NOTCH4: variants seen among roughly 807,000 people sequenced by gnomAD.
The protein encoded by NOTCH4 is neurogenic locus notch homolog protein 4.
In NOTCH4, 138 loss-of-function variants were observed where a neutral mutation model predicts 189.0. The observed-to-expected ratio is 0.73, with a 90% confidence interval of 0.64 to 0.84. NOTCH4 has a LOEUF of 0.84. Among genes scored for constraint, NOTCH4 ranks in the 40% least tolerant of loss-of-function variants. The pLI is 0.00. For synonymous variants in NOTCH4, 942 were observed against 1,032.8 expected (o/e 0.91, Z 1.69); for missense variants, 2,286 against 2,605.4 (o/e 0.88, Z 2.67).
chr6:32,219,585 C>T lies in NOTCH4; in HGVS notation c.1510+7G>A. On this transcript the variant is annotated splice_region_variant and intron_variant, in intron 8 of 29. Coordinates refer to ENST00000375023, the MANE Select transcript of NOTCH4 (RefSeq NM_004557.4). ...TTTCCCCACCCAAGGCCCCATCCAG[C>T]TGATACCTGGCGGGCAGAGGCAGTG... 1.2e-6 allele frequency: 2 copies of T among 1,611,736 alleles called. No individual in the cohort carries two copies. Among genetic ancestry groups the T allele is most frequent in the African/African-American group, 1.3e-5 (1 of 75,034 alleles).
At chr6:32,220,929 T>C (rs750833604) in intron 4 of NOTCH4, 49 bp downstream of exon 4, 2 of 1,599,130 alleles carry the variant, frequency 1.3e-6, no homozygotes, top group Admixed American at 1.7e-5. Flanking sequence ...GGAGACATCC[T>C]GCCCTGCCCA....
rs1422780623 is a variant in NOTCH4 at position 32,221,019 on chromosome 6, G to C, written c.758C>G (p.Pro253Arg). 1 of 1,608,790 alleles carries C rather than the reference G, an allele frequency of 6.2e-7. No individual in the cohort carries two copies. Among genetic ancestry groups the C allele is most frequent in the Non-Finnish European group, 8.5e-7 (1 of 1,176,624 alleles). The change falls in exon 4 of 30, where the codon CCA becomes CGA. Residue 253 changes from proline to arginine, a missense_variant. Transcript: ENST00000375023. This position sits in a 1 kb window ranked among gnomAD's most constrained non-coding sequence, Gnocchi z 4.3. The part of the protein sequence containing the change: ...CSNGGTCQLM[P>R]EKDSTFHLCL... ...GAGGTGAAAGGTGGAGTCTTTCTCT[G>C]GCATCAGCTGGCAGGTGCCCCCATT...
rs1221292753 is a variant in NOTCH4 at position 32,221,890 on chromosome 6, G to T, written c.452-565C>A. The stretch of plus-strand genomic sequence containing the variant: ...AGTGTGACCATTACTCTCCCTGTTT[G>T]TCAGCTGACAACTGAACACCAGAAA... On this transcript the variant is annotated intron_variant, in intron 3 of 29. Transcript: ENST00000375023. This position sits in a 1 kb window ranked among gnomAD's most constrained non-coding sequence, Gnocchi z 4.3. Among the ~76,000 whole-genome samples the T allele has an allele frequency of 6.6e-6, 1 of 152,160 alleles. No individual in the cohort carries two copies. Among genetic ancestry groups the T allele is most frequent in the Non-Finnish European group, 1.5e-5 (1 of 68,042 alleles).
chr6:32,224,015 C>G lies in NOTCH4; in HGVS notation c.-87G>C, dbSNP rs1789972511. On this transcript the variant is annotated 5_prime_UTR_variant, in exon 1 of 30. Coordinates refer to ENST00000375023, the MANE Select transcript of NOTCH4 (RefSeq NM_004557.4). ...CTCACTGGGGCAGGAGCCACCTCCT[C>G]TGCTCCCACTGCCCCTCTTCTTCCT... 7.6e-7 allele frequency: 1 copy of G among 1,314,784 alleles called. No homozygotes were observed. The highest frequency in any genetic ancestry group is 1.0e-6 in the Non-Finnish European group (1 of 976,576). 81.4% of individuals were successfully genotyped at this position (1,314,784 alleles called of 1,614,324 possible).
In NOTCH4 at chr6:32,195,045, T is replaced by C. The variant is rs1239603260; in HGVS notation, c.*392A>G. 7.6e-6 allele frequency: 2 copies of C among 263,866 alleles called. No homozygotes were observed. The highest frequency in any genetic ancestry group is 4.3e-5 in the African/African-American group (2 of 46,146). The allele number at this position is 263,866 out of a possible 1,614,324, so 16.3% of individuals were successfully genotyped here. ...TGGCACATAGTAGGTGCCCAATAAATATTTGTCAGCCATTTGTGGGCAGTG... is the reference window on the plus strand; with the variant it reads ...TGGCACATAGTAGGTGCCCAATAAACATTTGTCAGCCATTTGTGGGCAGTG... On this transcript the variant is annotated 3_prime_UTR_variant, in exon 30 of 30. Coordinates refer to ENST00000375023, the MANE Select transcript of NOTCH4 (RefSeq NM_004557.4). The surrounding 1 kb of genome is among the most constrained non-coding windows in gnomAD (Gnocchi z 5.4).
At chr6:32,203,555 C>A (rs1253834049) in intron 20 of NOTCH4, 2 of 542,754 alleles carry the variant, frequency 3.7e-6, no homozygotes, top group Non-Finnish European at 6.4e-6. Flanking sequence ...TTAGGCAACG[C>A]CTGTGATTTT....
Position 32,218,121 on chromosome 6 carries a change from G to A in NOTCH4, c.1511-13C>T. 1 of 1,542,232 alleles carries A rather than the reference G, an allele frequency of 6.5e-7. No individual in the cohort carries two copies. Among genetic ancestry groups the A allele is most frequent in the Middle Eastern group, 1.7e-4 (1 of 5,724 alleles). ...TGCCCTTCTAAGCCTGGGGACATGG[G>A]GACCATGAGGGCTGTGGCTCAGCCA... is the stretch of plus-strand genomic sequence containing the variant. On this transcript the variant is annotated splice_polypyrimidine_tract_variant and intron_variant, in intron 8 of 29. Transcript: ENST00000375023.
rs1417324844 is a variant in NOTCH4, at chr6:32,196,375, G to A, written c.5247C>T (p.Ala1749=). Residue 1749 remains alanine, a synonymous_variant, in exon 29 of 30, where the codon GCC becomes GCT. Coordinates refer to ENST00000375023, the MANE Select transcript of NOTCH4 (RefSeq NM_004557.4). ...HWAAAVNNAR[A]ARSLLQAGAD... ...CTCCGGCCTGGAGAAGCGAGCGGGC[G>A]GCTCGGGCGTTGTTCACGGCAGCAG... is the stretch of plus-strand genomic sequence containing the variant. The A allele has an allele frequency of 1.9e-6, 3 of 1,613,040 alleles. No homozygotes were observed. The highest frequency in any genetic ancestry group is 2.5e-6 in the Non-Finnish European group (3 of 1,180,054).
rs2854049 is a variant in NOTCH4, at chr6:32,223,094, T to A, written c.74-8A>T. Reference sequence around the variant, plus strand: ...AACTCCCACACAGCAGCCCTGAGGGTGGAGAGGCAGGCGCAATGGAAGCCC... The same window carrying A: ...AACTCCCACACAGCAGCCCTGAGGGAGGAGAGGCAGGCGCAATGGAAGCCC... On this transcript the variant is annotated splice_region_variant and splice_polypyrimidine_tract_variant and intron_variant, in intron 1 of 29. Transcript: ENST00000375023. 92,420 of 1,611,568 alleles carry A rather than the reference T, an allele frequency of 0.057. 3,897 individuals are homozygous for A. Among genetic ancestry groups the A allele is most frequent in the African/African-American group, 0.14 (10,833 of 74,814 alleles).
In NOTCH4 at chr6:32,214,172, T is replaced by G; in HGVS notation, c.2105A>C (p.His702Pro). 6.2e-7 allele frequency: 1 copy of G among 1,613,566 alleles called. No individual in the cohort carries two copies. The highest frequency in any genetic ancestry group is 8.5e-7 in the Non-Finnish European group (1 of 1,179,820). Residue 702 changes from histidine (H) to proline (P), a missense_variant, in exon 13 of 30, where the codon CAT becomes CCT. Coordinates refer to ENST00000375023, the MANE Select transcript of NOTCH4 (RefSeq NM_004557.4). ...GGGCTGGGGGTAGCAGGTCCCCCCA[T>G]GGGCACAGGGTGCAGAGATGCAGCC... The part of the protein sequence containing the change: ...LGGCISAPCA[H>P]GGTCYPQPSG...
At position 32,223,898 on chromosome 6, in the gene NOTCH4, G is replaced by T; in HGVS notation, c.31C>A (p.Leu11Met). ...GAGACACATAGCAGCAGCAGCAGCAGCAGCAGCAGCAGCAGTGAAGGGGGC... is the reference window on the plus strand; with the variant it reads ...GAGACACATAGCAGCAGCAGCAGCATCAGCAGCAGCAGCAGTGAAGGGGGC... The part of the protein sequence containing the change: MQPPSLLLLL[L>M]LLLLLCVSVV... The change falls in exon 1 of 30, where the codon CTG (leucine) becomes ATG (methionine). Residue 11 changes from leucine (L) to methionine (M), a missense_variant. Leu to Met is a conservative substitution (Grantham distance 15, BLOSUM62 2). Around this residue, in one of 2 missense-constraint regions of NOTCH4, gnomAD observed 1,903 missense variants for 2,261.9 expected, o/e 0.84. Transcript: ENST00000375023. 1 of 1,603,060 alleles carries T rather than the reference G, an allele frequency of 6.2e-7. No homozygotes were observed. The highest frequency in any genetic ancestry group is 8.5e-7 in the Non-Finnish European group (1 of 1,177,328).
Position 32,212,412 on chromosome 6 carries a change from G to A in NOTCH4, c.2680+62C>T. 4.7e-6 allele frequency: 7 copies of A among 1,497,370 alleles called. No individual in the cohort carries two copies. In the South Asian group the frequency reaches 9.1e-5, roughly 19 times the overall value. The allele number at this position is 1,497,370 out of a possible 1,614,324, so 92.8% of individuals were successfully genotyped here. ...AGCTGTGTGGAAGCCCACAGGAACGGGGCAGGTGAGAACACCCATATTTTC... is the reference window on the plus strand; with the variant it reads ...AGCTGTGTGGAAGCCCACAGGAACGAGGCAGGTGAGAACACCCATATTTTC... On this transcript the variant is annotated intron_variant, in intron 17 of 29. Coordinates refer to ENST00000375023, the MANE Select transcript of NOTCH4 (RefSeq NM_004557.4). This position sits in a 1 kb window ranked among gnomAD's most constrained non-coding sequence, Gnocchi z 4.4.
At chr6:32,220,729 G>A (rs763768824) in intron 5 of NOTCH4, 27 bp downstream of exon 5, 5 of 1,613,616 alleles carry the variant, frequency 3.1e-6, no homozygotes, top group African/African-American at 1.3e-5. Flanking sequence ...GGCCATGGGT[G>A]TCATGGATGT....
chr6:32,195,629 G>A lies in NOTCH4; in HGVS notation c.5820C>T (p.Arg1940=), dbSNP rs983854711. The A allele has an allele frequency of 2.5e-6, 4 of 1,612,972 alleles. No individual in the cohort carries two copies. The highest frequency in any genetic ancestry group is 3.4e-6 in the Non-Finnish European group (4 of 1,179,966). Residue 1940 remains arginine (R), a synonymous_variant, in exon 30 of 30, where the codon CGC becomes CGT. Coordinates refer to ENST00000375023, the MANE Select transcript of NOTCH4 (RefSeq NM_004557.4). The surrounding 1 kb of genome is among the most constrained non-coding windows in gnomAD (Gnocchi z 5.4). ...MRGRYGVAAG[R]GGRVSTDDWP... is the part of the protein sequence containing the mutation. ...AGTCATCCGTTGAGACCCTGCCTCC[G>A]CGCCCGGCAGCCACTCCGTATCTTC...
Position 32,202,848 on chromosome 6 carries a change from G to T in NOTCH4, c.3232-249C>A. On this transcript the variant is annotated intron_variant, in intron 20 of 29. Coordinates refer to ENST00000375023, the MANE Select transcript of NOTCH4 (RefSeq NM_004557.4). This position sits in a 1 kb window ranked among gnomAD's most constrained non-coding sequence, Gnocchi z 5.7. ...GCTGTGTGCAACAACCTGATGGACT[G>T]TGGCATTACAGTGCAAGTCCTAGAA... 1 of 439,130 alleles carries T rather than the reference G, an allele frequency of 2.3e-6. No homozygotes were observed. The highest frequency in any genetic ancestry group is 7.1e-5 in the South Asian group (1 of 14,030). 27.2% of individuals were successfully genotyped at this position (439,130 alleles called of 1,614,324 possible).
rs760337036 is a variant in NOTCH4 at position 32,213,760 on chromosome 6, C to T, written c.2248G>A (p.Gly750Ser). 35 of 1,612,546 alleles carry T rather than the reference C, an allele frequency of 2.2e-5. No individual in the cohort carries two copies. Among genetic ancestry groups the T allele is most frequent in the Non-Finnish European group, 2.7e-5 (32 of 1,179,996 alleles). Reference sequence around the variant, plus strand: ...CTTGGAGGGCAGGTGCAGTAGTAGCCTCCAGGGCTAGGGTTGCAGGAGCCG... The same window carrying T: ...CTTGGAGGGCAGGTGCAGTAGTAGCTTCCAGGGCTAGGGTTGCAGGAGCCG... ...NGGSCNPSPG[G>S]YYCTCPPSHT... is the part of the protein sequence containing the mutation. Residue 750 changes from glycine (G) to serine (S), a missense_variant, in exon 14 of 30, where the codon GGC becomes AGC. Gly to Ser is a moderately conservative substitution (Grantham distance 56, BLOSUM62 0). Transcript: ENST00000375023.
At position 32,195,617 on chromosome 6, in the gene NOTCH4, G is replaced by GTC; in HGVS notation, c.5831_5832insGA (p.Ser1945ThrfsTer52). ...AATCACAGGGCCAGTCATCCGTTGA[G>GTC]ACCCTGCCTCCGCGCCCGGCAGCCA... On this transcript the variant is annotated frameshift_variant, in exon 30 of 30. Coordinates refer to ENST00000375023, the MANE Select transcript of NOTCH4 (RefSeq NM_004557.4). LOFTEE classifies it low-confidence loss of function (END_TRUNC). The surrounding 1 kb of genome is among the most constrained non-coding windows in gnomAD (Gnocchi z 5.4). 6.2e-7 allele frequency: 1 copy of GTC among 1,613,058 alleles called. No homozygotes were observed. Among genetic ancestry groups the GTC allele is most frequent in the Non-Finnish European group, 8.5e-7 (1 of 1,180,002 alleles).
Position 32,212,985 on chromosome 6 carries a change from G to T in NOTCH4, c.2439-74C>A. The T allele has an allele frequency of 7.1e-7, 1 of 1,416,902 alleles. No homozygotes were observed. The highest frequency in any genetic ancestry group is 9.8e-7 in the Non-Finnish European group (1 of 1,017,310). 87.8% of individuals were successfully genotyped at this position (1,416,902 alleles called of 1,614,324 possible). The stretch of plus-strand genomic sequence containing the variant: ...GGGGAAGGTAGTGTGTGATATTGTC[G>T]GGAGGCAACCACAGGGAGGTGGCAA... On this transcript the variant is annotated intron_variant, in intron 15 of 29. Coordinates refer to ENST00000375023, the MANE Select transcript of NOTCH4 (RefSeq NM_004557.4). The surrounding 1 kb of genome is among the most constrained non-coding windows in gnomAD (Gnocchi z 4.4).
Position 32,195,353 on chromosome 6 carries a change from G to GA in NOTCH4, c.*83dup. The GA allele has an allele frequency of 7.7e-7, 1 of 1,299,528 alleles. No homozygotes were observed. Among genetic ancestry groups the GA allele is most frequent in the Non-Finnish European group, 1.1e-6 (1 of 949,376 alleles). The allele number at this position is 1,299,528 out of a possible 1,614,324, so 80.5% of individuals were successfully genotyped here. A position where few individuals can be genotyped will look rare whatever the true frequency, so the allele number is the denominator to read the frequency against. On this transcript the variant is annotated 3_prime_UTR_variant, in exon 30 of 30. Transcript: ENST00000375023. This position sits in a 1 kb window ranked among gnomAD's most constrained non-coding sequence, Gnocchi z 5.4. ...AAACTCACAACCCTTCATTTTGGGGGATCCATCTTAAAACCAGGAAGGCCT... is the reference window on the plus strand; with the variant it reads ...AAACTCACAACCCTTCATTTTGGGGGAATCCATCTTAAAACCAGGAAGGCCT...
Sources: gnomAD v4.1 joint callset for allele counts (sites outside exome capture counted in the v4.1 genomes callset) on GRCh38, gnomAD v4.1.1 for gene constraint, gnomAD v4.1.1 regional missense constraint, Gnocchi (gnomAD v3.1) non-coding constraint, MANE v1.5 for transcripts, NCBI Gene and HGNC (gene_info 2026-07-23, HGNC 2026-07-21) for gene names.